The following FTO variants were observed in gnomAD, a reference collection of about 807,000 sequenced individuals.
FTO encodes the protein FTO alpha-ketoglutarate dependent dioxygenase.
Under a neutral mutation model 63.9 loss-of-function variants are expected in FTO, and 47 were observed. The ratio of observed to expected loss-of-function variants is 0.74; its 90% confidence interval spans 0.58 to 0.94. FTO has a LOEUF of 0.94. Among genes scored for constraint, FTO ranks in the 40% least tolerant of loss-of-function variants. The probability of loss-of-function intolerance (pLI) is 0.00; values close to 1 mark genes in which losing one functional copy is unlikely to be tolerated. For missense variants in FTO, 562 were observed against 618.1 expected (o/e 0.91, Z 0.96); for synonymous variants, 207 against 224.4 (o/e 0.92, Z 0.69).
intron 8 of FTO, among the ~76,000 whole-genome samples, chr16:54,055,001 A>G (rs2085398455): frequency 6.6e-6 from 1 of 152,206 alleles, no homozygotes; most frequent in African/African-American, 2.4e-5. Flanking sequence ...TGCATTATTT[A>G]CCCAAAAGGC....
chr16:54,077,579 C>T (rs552433701), intron 8 of FTO, among the ~76,000 whole-genome samples: 16 of 152,268 alleles, frequency 1.1e-4, no homozygotes, highest in African/African-American at 2.2e-4. Context: ...CCTTAAGACA[C>T]GGGCAGCGGT....
At chr16:53,805,528 A>G (rs1803428918) in intron 1 of FTO, among the ~76,000 whole-genome samples, 1 of 149,186 alleles carries the variant, frequency 6.7e-6, no homozygotes, top group African/African-American at 2.5e-5. Flanking sequence ...GCTCACTGCA[A>G]CCTCTGCCTC....
chr16:53,826,698 A>G (rs980245906), intron 3 of FTO, among the ~76,000 whole-genome samples: 11 of 152,168 alleles, frequency 7.2e-5, no homozygotes, highest in African/African-American at 2.2e-4. Flanking sequence ...TCATCTGGCC[A>G]TGCTAGCTGG....
chr16:53,814,295 A>G (rs2078614048), intron 2 of FTO, among the ~76,000 whole-genome samples: 1 of 152,328 alleles, frequency 6.6e-6, no homozygotes, highest in East Asian at 1.9e-4. Flanking sequence ...TCTGACTTCC[A>G]GAAATATGAA....
chr16:53,848,175 CT>C (rs2079687314), intron 4 of FTO, among the ~76,000 whole-genome samples: 1 of 152,030 alleles, frequency 6.6e-6, no homozygotes, highest in African/African-American at 2.4e-5. Context: ...CTAATGCTGC[CT>C]TTTCTCTTTA....
intron 2 of FTO, among the ~76,000 whole-genome samples, chr16:53,820,966 T>A (rs1447504611): frequency 6.6e-6 from 1 of 152,084 alleles, no homozygotes; most frequent in South Asian, 2.1e-4. Context: ...AAATGGAATA[T>A]TTTCCCATGC....
chr16:53,860,033 A>G (rs2080125053), intron 4 of FTO, among the ~76,000 whole-genome samples: 1 of 152,220 alleles, frequency 6.6e-6, no homozygotes, highest in Admixed American at 6.5e-5. Context: ...TTTAGAAACA[A>G]CCTAAATATC....
At chr16:54,097,509 C>G (rs2086543659) in intron 8 of FTO, among the ~76,000 whole-genome samples, 1 of 152,034 alleles carries the variant, frequency 6.6e-6, no homozygotes, top group African/African-American at 2.4e-5. Flanking sequence ...ACATGCCCAG[C>G]TATTACTTCT....
intron 8 of FTO, chr16:54,064,033 C>T (rs2085659075): frequency 1.3e-5 from 2 of 151,726 alleles, no homozygotes; most frequent in African/African-American, 4.8e-5. Context: ...TGCCACCTAC[C>T]TTTGTCATCG....
At chr16:53,905,859 G>T (rs1231697355) in intron 7 of FTO, among the ~76,000 whole-genome samples, 2 of 152,100 alleles carry the variant, frequency 1.3e-5, no homozygotes, top group Admixed American at 1.3e-4. Flanking sequence ...TCTCTCTGAG[G>T]TGCACCCTTT....
intron 3 of FTO, among the ~76,000 whole-genome samples, chr16:53,836,699 G>A (rs534531019): frequency 5.9e-5 from 9 of 152,302 alleles, no homozygotes; most frequent in South Asian, 2.1e-4. Flanking sequence ...AAGAACTGGC[G>A]TCTCACTGGC....
chr16:53,729,448 G>A (rs1280808210), intron 1 of FTO, among the ~76,000 whole-genome samples: 1 of 151,754 alleles, frequency 6.6e-6, no homozygotes, highest in Non-Finnish European at 1.5e-5. Flanking sequence ...GAACCTGGGA[G>A]GTGGAGATCT....
chr16:53,769,067 G>C (rs2077274563), intron 1 of FTO, among the ~76,000 whole-genome samples: 1 of 152,118 alleles, frequency 6.6e-6, no homozygotes, highest in Non-Finnish European at 1.5e-5. Flanking sequence ...CCACATATGT[G>C]GTGGGCGCCT....
intron 1 of FTO, among the ~76,000 whole-genome samples, chr16:53,770,369 A>G (rs2077306871): frequency 6.6e-6 from 1 of 152,226 alleles, no homozygotes; most frequent in Non-Finnish European, 1.5e-5. Flanking sequence ...ATAATTAGTC[A>G]TAAATGAGTT....
intron 7 of FTO, among the ~76,000 whole-genome samples, chr16:53,908,560 A>G (rs2081597165): frequency 6.6e-6 from 1 of 152,192 alleles, no homozygotes; most frequent in Non-Finnish European, 1.5e-5. Flanking sequence ...GTCTGGTGCC[A>G]TCCTCTTTGA....
intron 8 of FTO, among the ~76,000 whole-genome samples, chr16:53,951,310 G>A (rs2082795390): frequency 6.6e-6 from 1 of 152,176 alleles, no homozygotes; most frequent in African/African-American, 2.4e-5. Flanking sequence ...TTTTAGTGCT[G>A]AGATAGGATT....
chr16:53,884,722 G>A lies in FTO; in HGVS notation c.1120-4110G>A, dbSNP rs1009009901. Among the ~76,000 whole-genome samples, 10 of 152,284 alleles carry A rather than the reference G, an allele frequency of 6.6e-5. No homozygotes were observed. In the East Asian group the frequency reaches 1.9e-3, roughly 29 times the overall value. ...AGTCTTATTAGCTTTGCTCTCCAATGCCTAAGTGCCCAATGACTGAAGTCC... is the reference window on the plus strand; with the variant it reads ...AGTCTTATTAGCTTTGCTCTCCAATACCTAAGTGCCCAATGACTGAAGTCC... On this transcript the variant is annotated intron_variant, in intron 6 of 8. Coordinates refer to ENST00000471389, the MANE Select transcript of FTO (RefSeq NM_001080432.3).
At chr16:53,904,777 AT>A (rs1436562468) in intron 7 of FTO, among the ~76,000 whole-genome samples, 2 of 152,092 alleles carry the variant, frequency 1.3e-5, no homozygotes, top group Non-Finnish European at 2.9e-5. Context: ...ACCTTCTGAT[AT>A]GATGAGCCTC....
chr16:54,093,341 C>G (rs145578614), intron 8 of FTO, among the ~76,000 whole-genome samples: 1 of 152,250 alleles, frequency 6.6e-6, no homozygotes, highest in Non-Finnish European at 1.5e-5. Flanking sequence ...ATGGAGCCTC[C>G]GTAAAGTATT....
Sources: gnomAD v4.1 joint callset for allele counts (sites outside exome capture counted in the v4.1 genomes callset) on GRCh38, gnomAD v4.1.1 for gene constraint, MANE v1.5 for transcripts, NCBI Gene and HGNC (gene_info 2026-07-23, HGNC 2026-07-21) for gene names.